Variants in PRKG1 observed in about 807,000 individuals in gnomAD.
PRKG1 encodes cGMP-dependent protein kinase 1.
Under a neutral mutation model 88.1 loss-of-function variants are expected in PRKG1, and 35 were observed. The ratio of observed to expected loss-of-function variants is 0.40; its 90% CI spans 0.30 to 0.53. The LOEUF is 0.53. Among genes scored for constraint, PRKG1 ranks in the 20% least tolerant of loss-of-function variants. The probability of loss-of-function intolerance (pLI) is 0.59; values close to 1 mark genes in which losing one functional copy is unlikely to be tolerated. For missense variants in PRKG1, 540 were observed against 839.8 expected (o/e 0.64, Z 4.41); for synonymous variants, 303 against 292.5 (o/e 1.04, Z -0.37).
chr10:51,090,707 G>A (rs1035729188), intron 1 of PRKG1, among the ~76,000 whole-genome samples: 8 of 152,112 alleles, frequency 5.3e-5, no homozygotes, highest in Admixed American at 2.0e-4. Flanking sequence ...AATATTGTTC[G>A]TAACATTTAT....
At chr10:52,204,109 T>TTA (rs1554817013) in intron 9 of PRKG1, among the ~76,000 whole-genome samples, 3 of 77,666 alleles carry the variant, frequency 3.9e-5, no homozygotes, top group African/African-American at 1.0e-4. Context: ...TATTATTATT[T>TTA]TTTGTTTTTG....
chr10:51,202,451 T>A (rs1640752509), intron 2 of PRKG1, among the ~76,000 whole-genome samples: 4 of 152,118 alleles, frequency 2.6e-5, no homozygotes, highest in Admixed American at 2.6e-4. Context: ...CCAGAAGATT[T>A]CTCCTGAGAA....
At chr10:52,272,938 A>C (rs1157453669) in intron 12 of PRKG1, among the ~76,000 whole-genome samples, 1 of 152,068 alleles carries the variant, frequency 6.6e-6, no homozygotes, top group Non-Finnish European at 1.5e-5. Context: ...CTCTACCTTT[A>C]CATGGCTCTT....
chr10:51,821,879 T>A (rs959251780), intron 4 of PRKG1, among the ~76,000 whole-genome samples: 16 of 152,072 alleles, frequency 1.1e-4, no homozygotes, highest in Non-Finnish European at 2.2e-4. Context: ...ACAGTCATTA[T>A]GGAAAACAGT....
chr10:51,233,853 C>T (rs1283955534), intron 2 of PRKG1, among the ~76,000 whole-genome samples: 1 of 152,006 alleles, frequency 6.6e-6, no homozygotes, highest in Non-Finnish European at 1.5e-5. Context: ...TTCTAGTGTT[C>T]TCTGTGGGTA....
intron 2 of PRKG1, among the ~76,000 whole-genome samples, chr10:51,419,255 G>A (rs541547390): frequency 6.6e-6 from 1 of 152,200 alleles, no homozygotes; most frequent in East Asian, 1.9e-4. Flanking sequence ...CAGCACAGGT[G>A]CAGTATATCA....
intron 2 of PRKG1, among the ~76,000 whole-genome samples, chr10:51,236,779 C>T (rs2132117801): frequency 1.3e-5 from 2 of 152,262 alleles, no homozygotes; most frequent in Middle Eastern, 6.8e-3. Context: ...GCTGGGATTA[C>T]AGGTATGAGC....
At chr10:52,057,746 T>G (rs1022166416) in intron 6 of PRKG1, among the ~76,000 whole-genome samples, 4 of 152,182 alleles carry the variant, frequency 2.6e-5, no homozygotes, top group African/African-American at 9.7e-5. Flanking sequence ...AACAAGTATT[T>G]AAACATGCCA....
intron 2 of PRKG1, among the ~76,000 whole-genome samples, chr10:51,167,574 G>A (rs1846583195): frequency 6.6e-6 from 1 of 152,214 alleles, no homozygotes; most frequent in Admixed American, 6.5e-5. Context: ...TAGAGTAGTG[G>A]GAGAAAAAGG....
rs185200082 is a variant in PRKG1 at position 51,279,941 on chromosome 10, G to A, written c.478+126611G>A. Among the ~76,000 whole-genome samples, 182 of 152,230 alleles carry A rather than the reference G, an allele frequency of 1.2e-3. 2 individuals are homozygous for A. The highest frequency in any genetic ancestry group is 7.5e-3 in the South Asian group (36 of 4,812). On this transcript the variant is annotated intron_variant, in intron 2 of 17. Coordinates refer to ENST00000373980, the MANE Select transcript of PRKG1 (RefSeq NM_006258.4). ...ATGATGTTAGCTGGTTATTTTGCTC[G>A]TTAGTTGATGCAGTTTCTTCCTAGC... is the stretch of plus-strand genomic sequence containing the variant.
chr10:51,396,025 T>G (rs925135237), intron 2 of PRKG1, among the ~76,000 whole-genome samples: 1 of 152,232 alleles, frequency 6.6e-6, no homozygotes, highest in African/African-American at 2.4e-5. Flanking sequence ...GATTATATTA[T>G]GTACATAACA....
chr10:51,731,080 C>T (rs1021983188), intron 3 of PRKG1, among the ~76,000 whole-genome samples: 7 of 152,036 alleles, frequency 4.6e-5, no homozygotes, highest in Non-Finnish European at 1.0e-4. Flanking sequence ...TGCTTGAACC[C>T]AGGAGACAGA....
At chr10:52,172,479 A>C (rs1838728285) in intron 9 of PRKG1, among the ~76,000 whole-genome samples, 1 of 152,234 alleles carries the variant, frequency 6.6e-6, no homozygotes, top group Admixed American at 6.5e-5. Context: ...CAGAGCCCCC[A>C]GAGAACAGCC....
intron 1 of PRKG1, among the ~76,000 whole-genome samples, chr10:51,037,161 T>C (rs993071330): frequency 6.6e-6 from 1 of 152,064 alleles, no homozygotes; most frequent in African/African-American, 2.4e-5. Context: ...TATAAAAAGT[T>C]AAAAGGCCAG....
chr10:51,263,391 C>A (rs530573558), intron 2 of PRKG1, among the ~76,000 whole-genome samples: 2 of 152,184 alleles, frequency 1.3e-5, no homozygotes, highest in African/African-American at 4.8e-5. Flanking sequence ...GTTCTACATG[C>A]CTGGCTGGAC....
chr10:51,208,882 T>A lies in PRKG1; in HGVS notation c.478+55552T>A, dbSNP rs148316381. On this transcript the variant is annotated intron_variant, in intron 2 of 17. Coordinates refer to ENST00000373980, the MANE Select transcript of PRKG1 (RefSeq NM_006258.4). ...CATGTAGAAAATTAGGAAGGGATTG[T>A]GTCTTCATTTTGACATTAAATGATG... is the stretch of plus-strand genomic sequence containing the variant. Among the ~76,000 whole-genome samples the A allele has an allele frequency of 7.2e-4, 109 of 152,312 alleles. 2 individuals are homozygous for A. The East Asian group carries it at 0.018, about 25-fold the overall frequency.
intron 8 of PRKG1, among the ~76,000 whole-genome samples, chr10:52,160,184 C>T (rs1169945794): frequency 6.6e-6 from 1 of 151,892 alleles, no homozygotes; most frequent in African/African-American, 2.4e-5. Context: ...ATTCTCTAAA[C>T]TCGGACTCCC....
At chr10:51,250,844 T>C (rs926715595) in intron 2 of PRKG1, among the ~76,000 whole-genome samples, 1 of 151,186 alleles carries the variant, frequency 6.6e-6, no homozygotes, top group African/African-American at 2.4e-5. Flanking sequence ...TCCTAGTGTA[T>C]GTGAAGCCCT....
chr10:52,234,110 G>A (rs1477099304), intron 9 of PRKG1, among the ~76,000 whole-genome samples: 1 of 152,050 alleles, frequency 6.6e-6, no homozygotes, highest in Non-Finnish European at 1.5e-5. Flanking sequence ...GGTCCTGTCT[G>A]TTAGAAGGAA....
Sources: allele counts gnomAD v4.1 joint callset (sites outside exome capture counted in the v4.1 genomes callset), GRCh38; gene constraint gnomAD v4.1.1; transcripts MANE v1.5; gene names NCBI Gene and HGNC (gene_info 2026-07-23, HGNC 2026-07-21).